The following CMTM4 variants were observed in gnomAD, a reference collection of about 807,000 sequenced individuals.
The protein encoded by CMTM4 is CKLF-like MARVEL transmembrane domain-containing protein 4.
In CMTM4, 8 loss-of-function variants were observed where a neutral mutation model predicts 19.0. The observed-to-expected ratio is 0.42, with a 90% confidence interval of 0.25 to 0.76. The LOEUF is 0.76. CMTM4 is among the 30% of genes least tolerant of loss of function. The pLI is 0.27. For synonymous variants in CMTM4, 106 were observed against 121.1 expected (o/e 0.88, Z 0.82); for missense variants, 228 against 290.2 (o/e 0.79, Z 1.56).
At chr16:66,644,325 G>GCAACCTA (rs1010308044) in intron 1 of CMTM4, among the ~76,000 whole-genome samples, 1 of 152,182 alleles carries the variant, frequency 6.6e-6, no homozygotes, top group African/African-American at 2.4e-5. Context: ...CAATGTAGTG[G>GCAACCTA]CAACCTAAAA....
At chr16:66,603,267 G>A in the CMTM4 span, among the ~76,000 whole-genome samples, 1 of 152,066 alleles carries the variant, frequency 6.6e-6, no homozygotes, top group Non-Finnish European at 1.5e-5. Flanking sequence ...TCCTTATGTG[G>A]TTGGACGCAG....
intron 1 of CMTM4, among the ~76,000 whole-genome samples, chr16:66,677,830 T>C (rs1376475368): frequency 6.6e-6 from 1 of 152,110 alleles, no homozygotes; most frequent in East Asian, 1.9e-4. Flanking sequence ...GCCTCCTAAG[T>C]AGCTGGGATT....
rs189643240 is a variant in CMTM4, at chr16:66,617,335, G to A, written c.*4723C>T. Reference sequence around the variant, plus strand: ...GTTTGTGGGTGATTTTTTCCTTACTGTTACGTTTGTGGAGTAGGAAAAACT... The same window carrying A: ...GTTTGTGGGTGATTTTTTCCTTACTATTACGTTTGTGGAGTAGGAAAAACT... On this transcript the variant is annotated 3_prime_UTR_variant, in exon 4 of 4. Coordinates refer to ENST00000394106, the MANE Select transcript of CMTM4 (RefSeq NM_181521.3). 848 of 1,613,724 alleles carry A rather than the reference G, an allele frequency of 5.3e-4. 2 individuals carry two copies. Among genetic ancestry groups the A allele is most frequent in the Non-Finnish European group, 2.4e-4 (289 of 1,179,872 alleles).
chr16:66,670,484 T>C (rs1364692016), intron 1 of CMTM4, among the ~76,000 whole-genome samples: 21 of 147,440 alleles, frequency 1.4e-4, no homozygotes, highest in Admixed American at 1.4e-3. Flanking sequence ...ATACGTATAT[T>C]GCACTTCCAT....
chr16:66,600,136 G>GGTGTTTT, the CMTM4 span, among the ~76,000 whole-genome samples: 1 of 135,154 alleles, frequency 7.4e-6, no homozygotes, highest in Non-Finnish European at 1.5e-5. Flanking sequence ...GTGTGTGTGT[G>GGTGTTTT]TTTTTTTTTG....
chr16:66,650,770 A>G (rs1333202485), intron 1 of CMTM4, among the ~76,000 whole-genome samples: 1 of 152,246 alleles, frequency 6.6e-6, no homozygotes, highest in Non-Finnish European at 1.5e-5. Flanking sequence ...CACAAAAGGC[A>G]TGTGCTGGTC....
In CMTM4 at chr16:66,618,369, A is replaced by G; in HGVS notation, c.*3689T>C. 1 of 985,478 alleles carries G rather than the reference A, an allele frequency of 1.0e-6. No individual in the cohort carries two copies. The highest frequency in any genetic ancestry group is 1.2e-6 in the Non-Finnish European group (1 of 829,948). The allele number at this position is 985,478 out of a possible 1,614,324, so 61.0% of individuals were successfully genotyped here. On this transcript the variant is annotated 3_prime_UTR_variant, in exon 4 of 4. Coordinates refer to ENST00000394106, the MANE Select transcript of CMTM4 (RefSeq NM_181521.3). ...GTTTTGTTTTGAACACAGATGAGAC[A>G]ATAGGAACCCTTAAATCATCACTGC... is the stretch of plus-strand genomic sequence containing the variant.
At chr16:66,677,705 AT>A (rs1412035267) in intron 1 of CMTM4, among the ~76,000 whole-genome samples, 395 of 144,530 alleles carry the variant, frequency 2.7e-3, no homozygotes, top group Middle Eastern at 3.6e-3. Context: ...GGTGGTCAAG[AT>A]TTTTTTTTTT....
chr16:66,626,550 G>A (rs1430033876), intron 2 of CMTM4, among the ~76,000 whole-genome samples: 2 of 152,184 alleles, frequency 1.3e-5, no homozygotes. Context: ...AGATTGCAAT[G>A]AGCCAAGATC....
chr16:66,600,196 G>A, the CMTM4 span, among the ~76,000 whole-genome samples: 1 of 147,784 alleles, frequency 6.8e-6, no homozygotes, highest in Non-Finnish European at 1.5e-5. Context: ...AGGCTGGAGT[G>A]CAGTGGCACG....
intron 1 of CMTM4, among the ~76,000 whole-genome samples, chr16:66,675,609 C>A (rs2016796828): frequency 6.6e-6 from 1 of 152,086 alleles, no homozygotes; most frequent in Admixed American, 6.6e-5. Flanking sequence ...TTTAACCAGC[C>A]TGACAGTCCC....
Position 66,617,606 on chromosome 16 carries a change from A to G in CMTM4, c.*4452T>C, listed in dbSNP as rs1441922596. On this transcript the variant is annotated 3_prime_UTR_variant, in exon 4 of 4. Coordinates refer to ENST00000394106, the MANE Select transcript of CMTM4 (RefSeq NM_181521.3). ...AGTTTCTAAATAAAAGAAACATAAAAGGTCAAATATTTTAAATTACTTTCT... is the reference window on the plus strand; with the variant it reads ...AGTTTCTAAATAAAAGAAACATAAAGGGTCAAATATTTTAAATTACTTTCT... 8.9e-6 allele frequency: 11 copies of G among 1,233,344 alleles called. No individual in the cohort carries two copies. Among genetic ancestry groups the G allele is most frequent in the South Asian group, 2.0e-5 (1 of 50,334 alleles). 76.4% of individuals were successfully genotyped at this position (1,233,344 alleles called of 1,614,324 possible). A position where few individuals can be genotyped will look rare whatever the true frequency, so the allele number is the denominator to read the frequency against.
At chr16:66,600,053 A>G in the CMTM4 span, among the ~76,000 whole-genome samples, 1 of 151,698 alleles carries the variant, frequency 6.6e-6, no homozygotes, top group Non-Finnish European at 1.5e-5. Context: ...TCTTTGGCCC[A>G]TTAAAAAAAA....
intron 1 of CMTM4, among the ~76,000 whole-genome samples, chr16:66,672,703 C>T (rs982649123): frequency 6.7e-6 from 1 of 149,046 alleles, no homozygotes; most frequent in African/African-American, 2.5e-5. Context: ...TCAGCCTCCC[C>T]GGTTCAAGCG....
At chr16:66,681,583 C>T (rs112104899) in intron 1 of CMTM4, among the ~76,000 whole-genome samples, 2 of 152,288 alleles carry the variant, frequency 1.3e-5, no homozygotes, top group South Asian at 2.1e-4. Context: ...GGATTACAGA[C>T]GTGAGCCACC....
chr16:66,670,884 A>G (rs2016692412), intron 1 of CMTM4, among the ~76,000 whole-genome samples: 1 of 152,180 alleles, frequency 6.6e-6, no homozygotes, highest in African/African-American at 2.4e-5. Context: ...ATGTGTAATA[A>G]CCCATTTTTA....
the CMTM4 span, among the ~76,000 whole-genome samples, chr16:66,599,792 A>AT: frequency 6.6e-6 from 1 of 152,064 alleles, no homozygotes; most frequent in Non-Finnish European, 1.5e-5. Context: ...TCTTTTACAG[A>AT]TTTTTTTAAG....
chr16:66,696,218 G>A lies in CMTM4; in HGVS notation c.186+122C>T. On this transcript the variant is annotated intron_variant, in intron 1 of 3. Transcript: ENST00000394106. The surrounding 1 kb of genome is among the most constrained non-coding windows in gnomAD (Gnocchi z 4.3). ...TCCCGGGACCCCACGAGGGAGAGGGGGCGCGAGGAGCGGGCTCCGGCCTGG... is the reference window on the plus strand; with the variant it reads ...TCCCGGGACCCCACGAGGGAGAGGGAGCGCGAGGAGCGGGCTCCGGCCTGG... The A allele has an allele frequency of 1.6e-6, 1 of 644,526 alleles. No homozygotes were observed. The highest frequency in any genetic ancestry group is 2.2e-6 in the Non-Finnish European group (1 of 458,282). The allele number at this position is 644,526 out of a possible 1,614,324, so 39.9% of individuals were successfully genotyped here. A position where few individuals can be genotyped will look rare whatever the true frequency, so the allele number is the denominator to read the frequency against.
At chr16:66,623,575 T>C (rs2015680016) in intron 2 of CMTM4, 73 bp from the exon 3 acceptor site, 2 of 1,118,854 alleles carry the variant, frequency 1.8e-6, no homozygotes, top group African/African-American at 3.2e-5. Flanking sequence ...CTGGAGAACT[T>C]TCAAAATAAG....
Sources: allele counts gnomAD v4.1 joint callset (sites outside exome capture counted in the v4.1 genomes callset), GRCh38; gene constraint gnomAD v4.1.1; non-coding constraint Gnocchi (gnomAD v3.1); transcripts MANE v1.5; gene names NCBI Gene and HGNC (gene_info 2026-07-23, HGNC 2026-07-21).